Variants in ASB5 observed in about 807,000 individuals in gnomAD.
The protein encoded by ASB5 is ankyrin repeat and SOCS box containing 5, also known as ankyrin repeat and SOCS box protein 5.
A neutral mutation model predicts 42.1 loss-of-function variants in ASB5; 45 were observed. The observed-to-expected ratio is 1.07, with a 90% CI of 0.84 to 1.37. The LOEUF (loss-of-function observed/expected upper bound fraction) is 1.37. Ranked by LOEUF, ASB5 falls within the 40% of genes most tolerant of loss-of-function variation. The pLI, the probability that ASB5 is intolerant of heterozygous loss-of-function variation, is 0.00. For synonymous variants in ASB5, 147 were observed against 150.6 expected (o/e 0.98, Z 0.18); for missense variants, 402 against 399.8 (o/e 1.01, Z -0.05).
intron 1 of ASB5, among the ~76,000 whole-genome samples, chr4:176,228,935 A>G (rs1284020183): frequency 1.3e-5 from 2 of 152,202 alleles, no homozygotes; most frequent in Non-Finnish European, 2.9e-5. Context: ...TTCACAACAT[A>G]TATCAATTTT....
At chr4:176,273,500 T>C (rs547161630), upstream of ASB5, among the ~76,000 whole-genome samples, 1 of 152,336 alleles carries the variant, frequency 6.6e-6, no homozygotes, top group African/African-American at 2.4e-5. Flanking sequence ...AGATGTTCAT[T>C]TGGTCTCTTG....
chr4:176,239,286 T>C (rs961549607), intron 1 of ASB5, among the ~76,000 whole-genome samples: 3 of 152,220 alleles, frequency 2.0e-5, no homozygotes, highest in Non-Finnish European at 4.4e-5. Flanking sequence ...TTAATTTTTG[T>C]TTAAAATTAA....
At chr4:176,248,998 G>T (rs532253790) in intron 1 of ASB5, among the ~76,000 whole-genome samples, 2 of 152,294 alleles carry the variant, frequency 1.3e-5, no homozygotes, top group Admixed American at 1.3e-4. Context: ...ACAGAGTCTT[G>T]TTCTGTCGCC....
chr4:176,233,628 A>C (rs1161485893), intron 1 of ASB5, among the ~76,000 whole-genome samples: 2 of 152,114 alleles, frequency 1.3e-5, no homozygotes, highest in African/African-American at 4.8e-5. Flanking sequence ...GAAAGGAGTC[A>C]GTTGTTTTTG....
chr4:176,248,608 G>A lies in ASB5; in HGVS notation c.196+20305C>T, dbSNP rs1262151526. On this transcript the variant is annotated intron_variant, in intron 1 of 6. Transcript: ENST00000296525. ...AACTTATTTATACTAGATGTTTATA[G>A]AAATATTGTTCATAATTGCCCCAAA... Among the ~76,000 whole-genome samples the A allele has an allele frequency of 2.0e-5, 3 of 152,050 alleles. No individual in the cohort carries two copies. The East Asian group carries it at 5.8e-4, about 29-fold the overall frequency.
At chr4:176,229,996 A>G (rs184473773) in intron 1 of ASB5, among the ~76,000 whole-genome samples, 2 of 152,204 alleles carry the variant, frequency 1.3e-5, no homozygotes, top group Admixed American at 6.5e-5. Flanking sequence ...GTAGGAAAAA[A>G]GCTGAGGGGC....
Position 176,268,932 on chromosome 4 carries a change from A to G in ASB5, c.177T>C (p.Tyr59=). The change falls in exon 1 of 7, where the codon TAT becomes TAC. Residue 59 remains tyrosine (Y), a synonymous_variant. Coordinates refer to ENST00000296525, the MANE Select transcript of ASB5 (RefSeq NM_080874.4). ...KEAARIAAEF[Y]GVTQGQGSWA... ...ACATACCTTGTCCTTGGGTTACTCC[A>G]TAAAATTCAGCTGCTATCCTTGCCG... 1.9e-6 allele frequency: 3 copies of G among 1,612,334 alleles called. No individual in the cohort carries two copies. The highest frequency in any genetic ancestry group is 2.5e-6 in the Non-Finnish European group (3 of 1,179,202).
intron 1 of ASB5, among the ~76,000 whole-genome samples, chr4:176,257,657 T>C (rs753904858): frequency 6.6e-6 from 1 of 152,190 alleles, no homozygotes; most frequent in African/African-American, 2.4e-5. Flanking sequence ...AAAATAGTTA[T>C]AGTTCTCCAA....
chr4:176,226,746 A>T (rs1454218183), intron 1 of ASB5, among the ~76,000 whole-genome samples: 1 of 152,182 alleles, frequency 6.6e-6, no homozygotes. Flanking sequence ...CAGGAATAGC[A>T]GCTTGAATGC....
At chr4:176,244,828 C>A (rs1180030677) in intron 1 of ASB5, among the ~76,000 whole-genome samples, 1 of 152,104 alleles carries the variant, frequency 6.6e-6, no homozygotes, top group African/African-American at 2.4e-5. Flanking sequence ...CGGGGCTTAT[C>A]CTGAGTAGCT....
chr4:176,237,342 C>G, intron 1 of ASB5: 1 of 985,902 alleles, frequency 1.0e-6, no homozygotes. Flanking sequence ...GAAGAACATT[C>G]CTCTATACTC....
chr4:176,251,865 C>A (rs1362098012), intron 1 of ASB5, among the ~76,000 whole-genome samples: 1 of 151,124 alleles, frequency 6.6e-6, no homozygotes, highest in Non-Finnish European at 1.5e-5. Flanking sequence ...AGTTCGAGAC[C>A]ACCCTGGGCA....
intron 1 of ASB5, among the ~76,000 whole-genome samples, chr4:176,260,148 T>A (rs1354072698): frequency 6.6e-6 from 1 of 152,168 alleles, no homozygotes; most frequent in Non-Finnish European, 1.5e-5. Context: ...GAAGAAAAAA[T>A]TATTACTATT....
chr4:176,245,246 A>G (rs1046917215), intron 1 of ASB5, among the ~76,000 whole-genome samples: 2 of 152,228 alleles, frequency 1.3e-5, no homozygotes, highest in African/African-American at 4.8e-5. Flanking sequence ...GGATATGAAC[A>G]GACACTTTTC....
Position 176,217,014 on chromosome 4 carries a change from A to G in ASB5, c.671-5T>C, listed in dbSNP as rs779223687. 2.5e-6 allele frequency: 4 copies of G among 1,588,150 alleles called. No homozygotes were observed. Among genetic ancestry groups the G allele is most frequent in the Non-Finnish European group, 3.4e-6 (4 of 1,168,174 alleles). On this transcript the variant is annotated splice_polypyrimidine_tract_variant and splice_region_variant and intron_variant, in intron 5 of 6. Coordinates refer to ENST00000296525, the MANE Select transcript of ASB5 (RefSeq NM_080874.4). The stretch of plus-strand genomic sequence containing the variant: ...TGCCTTTCTGTACGTCAGCACCTAC[A>G]TGTAATACGGAGTGAAGATAAATAT...
chr4:176,217,246 A>G (rs1752998929), intron 5 of ASB5, among the ~76,000 whole-genome samples: 1 of 152,106 alleles, frequency 6.6e-6, no homozygotes, highest in Non-Finnish European at 1.5e-5. Flanking sequence ...GGGTACATAC[A>G]TTTGTTATGT....
chr4:176,228,133 G>C (rs566543268), intron 1 of ASB5, among the ~76,000 whole-genome samples: 2 of 152,194 alleles, frequency 1.3e-5, no homozygotes, highest in Non-Finnish European at 2.9e-5. Flanking sequence ...TAATTTAGTG[G>C]GATGAAAATT....
At chr4:176,218,251 AAT>A (rs781483417) in intron 5 of ASB5, among the ~76,000 whole-genome samples, 7,961 of 24,736 alleles carry the variant, frequency 0.32, 2,655 homozygotes, top group African/African-American at 0.44. Flanking sequence ...ATGATATATA[AAT>A]ATATATATAT....
chr4:176,260,817 C>G (rs188779190), intron 1 of ASB5, among the ~76,000 whole-genome samples: 1 of 152,282 alleles, frequency 6.6e-6, no homozygotes, highest in Middle Eastern at 3.4e-3. Context: ...GCTGGGATTA[C>G]AGGCACGTGC....
Sources: gnomAD v4.1 joint callset for allele counts (sites outside exome capture counted in the v4.1 genomes callset) on GRCh38, gnomAD v4.1.1 for gene constraint, MANE v1.5 for transcripts, NCBI Gene and HGNC (gene_info 2026-07-23, HGNC 2026-07-21) for gene names.